Variants in GRIA4 observed in about 807,000 individuals in gnomAD.
GRIA4 encodes the protein glutamate ionotropic receptor AMPA type subunit 4.
GRIA4 carries 34 observed loss-of-function variants against 104.0 expected under a neutral mutation model. That is an observed-to-expected ratio of 0.33 (90% CI 0.25 to 0.44). The LOEUF is 0.44. Among genes scored for constraint, GRIA4 ranks in the 20% least tolerant of loss-of-function variants. GRIA4 has a pLI of 1.00. For missense variants in GRIA4, 750 were observed against 1,096.5 expected, an observed-to-expected ratio of 0.68 and a Z score of 4.46; for synonymous variants, 386 against 381.9, an observed-to-expected ratio of 1.01 and a Z score of -0.13.
intron 4 of GRIA4, among the ~76,000 whole-genome samples, chr11:105,761,607 G>A (rs1008999586): frequency 6.6e-6 from 1 of 152,072 alleles, no homozygotes; most frequent in Non-Finnish European, 1.5e-5. Context: ...GTGAAAAGTA[G>A]CCATTGACAA....
Position 105,753,216 on chromosome 11 carries a change from C to T in GRIA4, c.483C>T (p.Asp161=). 3 of 1,613,432 alleles carry T rather than the reference C, an allele frequency of 1.9e-6. No individual in the cohort carries two copies. The highest frequency in any genetic ancestry group is 2.5e-6 in the Non-Finnish European group (3 of 1,179,500). ...GTTTTGTCTTCCTGTATGACACAGA[C>T]AGGGGTAAGTCCAGTTTCTTCATCT... is the stretch of plus-strand genomic sequence containing the variant. ...WNCFVFLYDT[D]RGYSILQAIM... Residue 161 remains aspartate (D), a synonymous_variant, in exon 4 of 17, where the codon GAC becomes GAT. Coordinates refer to ENST00000282499, the MANE Select transcript of GRIA4 (RefSeq NM_000829.4).
chr11:105,665,565 A>G (rs1423081887), intron 3 of GRIA4, among the ~76,000 whole-genome samples: 1 of 152,034 alleles, frequency 6.6e-6, no homozygotes, highest in Non-Finnish European at 1.5e-5. Flanking sequence ...AGCTGAAAGT[A>G]CAAGGAGCCC....
rs376905633 is a variant in GRIA4 at position 105,820,550 on chromosome 11, G to C, written c.488-41474G>C. ...GTCTTGCATATGAAATGAATTTTCTGCCATTTTTCCTACATGAAAATCCTC... is the reference window on the plus strand; with the variant it reads ...GTCTTGCATATGAAATGAATTTTCTCCCATTTTTCCTACATGAAAATCCTC... On this transcript the variant is annotated intron_variant, in intron 4 of 16. Transcript: ENST00000282499. Among the ~76,000 whole-genome samples, 5 of 152,070 alleles carry C rather than the reference G, an allele frequency of 3.3e-5. No individual in the cohort carries two copies. In the East Asian group the frequency reaches 7.7e-4, roughly 24 times the overall value.
intron 14 of GRIA4, among the ~76,000 whole-genome samples, chr11:105,936,594 T>A (rs1356607441): frequency 6.6e-6 from 1 of 152,204 alleles, no homozygotes; most frequent in Non-Finnish European, 1.5e-5. Context: ...AAATGACTAG[T>A]TATGTTCCAT....
At chr11:105,810,084 C>T (rs924840303) in intron 4 of GRIA4, among the ~76,000 whole-genome samples, 1 of 152,160 alleles carries the variant, frequency 6.6e-6, no homozygotes, top group African/African-American at 2.4e-5. Context: ...TGATCCATCA[C>T]TGTTGACCTA....
chr11:105,799,693 TC>T (rs1473299441), intron 4 of GRIA4, among the ~76,000 whole-genome samples: 1 of 152,092 alleles, frequency 6.6e-6, no homozygotes. Flanking sequence ...TTAGAAGTTC[TC>T]CTATGAAGGC....
intron 4 of GRIA4, among the ~76,000 whole-genome samples, chr11:105,849,183 G>C (rs1327480030): frequency 6.6e-6 from 1 of 152,026 alleles, no homozygotes; most frequent in Non-Finnish European, 1.5e-5. Context: ...CAGAGTGCTA[G>C]ACTCCATCTC....
At chr11:105,641,718 A>C (rs958313471) in intron 3 of GRIA4, among the ~76,000 whole-genome samples, 2 of 152,142 alleles carry the variant, frequency 1.3e-5, no homozygotes, top group Non-Finnish European at 2.9e-5. Flanking sequence ...CTTTTAGTAG[A>C]AAGAATGCCC....
chr11:105,735,562 A>G (rs1313151609), intron 3 of GRIA4, among the ~76,000 whole-genome samples: 1 of 152,158 alleles, frequency 6.6e-6, no homozygotes, highest in Non-Finnish European at 1.5e-5. Context: ...ATTTCTATTA[A>G]TTTATAAGTA....
intron 9 of GRIA4, among the ~76,000 whole-genome samples, chr11:105,909,752 G>T (rs622178): frequency 0.47 from 72,099 of 151,902 alleles, 17,161 homozygotes; most frequent in Admixed American, 0.51. Context: ...TTACTACTTT[G>T]CAGAGTCCTT....
chr11:105,722,839 T>C (rs2135581011), intron 3 of GRIA4, among the ~76,000 whole-genome samples: 1 of 152,146 alleles, frequency 6.6e-6, no homozygotes, highest in East Asian at 1.9e-4. Context: ...TTTAATCTCT[T>C]CCACCAAATT....
intron 3 of GRIA4, among the ~76,000 whole-genome samples, chr11:105,702,817 C>A (rs1001277819): frequency 2.6e-5 from 4 of 151,282 alleles, no homozygotes; most frequent in African/African-American, 9.7e-5. Flanking sequence ...ACCTCAGCCT[C>A]CCATGTAGCT....
At chr11:105,730,642 A>T (rs1938526699) in intron 3 of GRIA4, among the ~76,000 whole-genome samples, 2 of 152,354 alleles carry the variant, frequency 1.3e-5, no homozygotes, top group African/African-American at 4.8e-5. Context: ...ACAAGGCTAC[A>T]GTAACCAAAA....
intron 3 of GRIA4, among the ~76,000 whole-genome samples, chr11:105,726,426 G>A (rs974912382): frequency 6.6e-5 from 10 of 152,214 alleles, no homozygotes; most frequent in Non-Finnish European, 1.3e-4. Flanking sequence ...CATCTCCTTC[G>A]CACAGGGCAC....
chr11:105,638,433 G>A lies in GRIA4; in HGVS notation c.247+25999G>A, dbSNP rs192532894. Among the ~76,000 whole-genome samples the A allele has an allele frequency of 3.9e-5, 6 of 152,246 alleles. No individual in the cohort carries two copies. The East Asian group carries it at 1.2e-3, about 29-fold the overall frequency. On this transcript the variant is annotated intron_variant, in intron 3 of 16. Coordinates refer to ENST00000282499, the MANE Select transcript of GRIA4 (RefSeq NM_000829.4). ...TAGATCATATTGTTTTATTCCGTAA[G>A]TAATACGTACATCACTTTTAAATAA...
chr11:105,694,699 A>C (rs990536805), intron 3 of GRIA4, among the ~76,000 whole-genome samples: 4 of 152,082 alleles, frequency 2.6e-5, no homozygotes, highest in Non-Finnish European at 5.9e-5. Flanking sequence ...TGATTCATAT[A>C]TTTACGTGGT....
chr11:105,657,259 A>T, intron 3 of GRIA4, among the ~76,000 whole-genome samples: 1 of 152,020 alleles, frequency 6.6e-6, no homozygotes, highest in East Asian at 1.9e-4. Flanking sequence ...GCAACAAACA[A>T]GCTTTTCAAA....
chr11:105,668,406 C>T (rs1314688464), intron 3 of GRIA4, among the ~76,000 whole-genome samples: 6 of 149,972 alleles, frequency 4.0e-5, no homozygotes, highest in African/African-American at 1.2e-4. Flanking sequence ...CATTGATGGA[C>T]ATTTGGATTG....
chr11:105,682,080 T>G lies in GRIA4; in HGVS notation c.247+69646T>G, dbSNP rs983896556. The stretch of plus-strand genomic sequence containing the variant: ...TAATAATAACAATTTCATTGATTTC[T>G]GTTTTCTTGTTTGGCTACTAGAAAA... On this transcript the variant is annotated intron_variant, in intron 3 of 16. Coordinates refer to ENST00000282499, the MANE Select transcript of GRIA4 (RefSeq NM_000829.4). Among the ~76,000 whole-genome samples, 8 of 152,274 alleles carry G rather than the reference T, an allele frequency of 5.3e-5. No individual in the cohort carries two copies. In the South Asian group the frequency reaches 1.7e-3, roughly 32 times the overall value.
Sources: gnomAD v4.1 joint callset for allele counts (sites outside exome capture counted in the v4.1 genomes callset) on GRCh38, gnomAD v4.1.1 for gene constraint, MANE v1.5 for transcripts, NCBI Gene and HGNC (gene_info 2026-07-23, HGNC 2026-07-21) for gene names.